The following ANKS1A variants were observed in gnomAD, a reference collection of about 807,000 sequenced individuals.
The protein encoded by ANKS1A is ankyrin repeat and sterile alpha motif domain containing 1A, also known as ankyrin repeat and SAM domain-containing protein 1A.
In ANKS1A, 55 loss-of-function variants were observed where a neutral mutation model predicts 120.3. The ratio of observed to expected loss-of-function variants is 0.46; its 90% confidence interval spans 0.37 to 0.57. ANKS1A has a LOEUF of 0.57. ANKS1A is among the 20% of genes least tolerant of loss of function. The pLI is 0.00. For synonymous variants in ANKS1A, 590 were observed against 604.7 expected (o/e 0.98, Z 0.36); for missense variants, 1,123 against 1,480.3 (o/e 0.76, Z 3.96).
At chr6:35,088,244 T>G (rs1184915191) in intron 23 of ANKS1A, among the ~76,000 whole-genome samples, 1 of 151,992 alleles carries the variant, frequency 6.6e-6, no homozygotes, top group Non-Finnish European at 1.5e-5. Flanking sequence ...GGCACCCCAT[T>G]CTCCAGTGTG....
chr6:35,071,070 A>C, intron 13 of ANKS1A: 3 of 407,432 alleles, frequency 7.4e-6, no homozygotes, highest in Non-Finnish European at 1.4e-5. Context: ...CTTTCTATTG[A>C]CTCCAGGCCT....
At chr6:35,070,827 T>C (rs918894946) in intron 13 of ANKS1A, 1 of 268,598 alleles carries the variant, frequency 3.7e-6, no homozygotes, top group Non-Finnish European at 7.4e-6. Flanking sequence ...CTTTTTTCTT[T>C]GTGTGTGTGT....
At chr6:34,941,932 G>GC (rs1375006202) in intron 1 of ANKS1A, among the ~76,000 whole-genome samples, 1 of 152,208 alleles carries the variant, frequency 6.6e-6, no homozygotes, top group African/African-American at 2.4e-5. Flanking sequence ...ACCTCTAGGA[G>GC]CTGTTCTCTA....
intron 11 of ANKS1A, among the ~76,000 whole-genome samples, chr6:35,033,785 T>C (rs1775021194): frequency 6.6e-6 from 1 of 152,198 alleles, no homozygotes; most frequent in African/African-American, 2.4e-5. Flanking sequence ...TTGGTCCTCA[T>C]GCAGAGATGC....
In ANKS1A at chr6:35,033,698, G is replaced by C. The variant is rs973190201; in HGVS notation, c.2010+15639G>C. ...TGATGGATGCATTTGTTTCACCGCT[G>C]ACAAAGATTCCAATGTAAAATCTGC... On this transcript the variant is annotated intron_variant, in intron 11 of 23. Transcript: ENST00000360359. 5.3e-5 allele frequency among the ~76,000 whole-genome samples: 8 copies of C among 152,332 alleles called. No individual in the cohort carries two copies. The East Asian group carries it at 1.5e-3, about 29-fold the overall frequency.
intron 3 of ANKS1A, chr6:34,972,658 G>A: frequency 1.0e-6 from 1 of 983,864 alleles, no homozygotes; most frequent in Non-Finnish European, 1.2e-6. Context: ...GTACTTTGCT[G>A]CCAGGAATTC....
At position 35,085,640 on chromosome 6, in the gene ANKS1A, T is replaced by A; in HGVS notation, c.3133-126T>A. The A allele has an allele frequency of 4.9e-6, 4 of 817,172 alleles. No individual in the cohort carries two copies. The highest frequency in any genetic ancestry group is 2.4e-5 in the South Asian group (1 of 41,958). The allele number at this position is 817,172 out of a possible 1,614,324, so 50.6% of individuals were successfully genotyped here. A position where few individuals can be genotyped will look rare whatever the true frequency, so the allele number is the denominator to read the frequency against. On this transcript the variant is annotated intron_variant, in intron 21 of 23. Transcript: ENST00000360359. The surrounding 1 kb of genome is among the most constrained non-coding windows in gnomAD (Gnocchi z 4.7). ...GTAAAGGAGGGAAAGGAGGGAAGAG[T>A]GGAAGGAGGTAGGAGCGCTCCCGGG...
At chr6:34,966,371 C>A (rs1770893194) in intron 1 of ANKS1A, among the ~76,000 whole-genome samples, 2 of 152,100 alleles carry the variant, frequency 1.3e-5, no homozygotes, top group Admixed American at 6.6e-5. Flanking sequence ...CCAACTATTT[C>A]TAATAACACT....
At chr6:34,968,045 A>G (rs562419474) in intron 2 of ANKS1A, among the ~76,000 whole-genome samples, 4 of 152,210 alleles carry the variant, frequency 2.6e-5, no homozygotes, top group East Asian at 3.9e-4. Flanking sequence ...TTCTGTTTCA[A>G]TAGTTATTTA....
Position 34,991,539 on chromosome 6 carries a change from TATACACACACACAC to T in ANKS1A, c.1302+2225_1302+2238del, listed in dbSNP as rs770077479. ...CCACATAGCCGGGAAAAAAAAAATA[TATACACACACACAC>T]ACACACACACACACACACACACACA... On this transcript the variant is annotated intron_variant, in intron 9 of 23. Coordinates refer to ENST00000360359, the MANE Select transcript of ANKS1A (RefSeq NM_015245.3). Among the ~76,000 whole-genome samples, 85 of 85,114 alleles carry T rather than the reference TATACACACACACAC, an allele frequency of 1.0e-3. 3 individuals are homozygous for T. Among genetic ancestry groups the T allele is most frequent in the East Asian group, 4.7e-3 (12 of 2,534 alleles). 55.8% of individuals were successfully genotyped at this position (85,114 alleles called of 152,430 possible).
At chr6:35,025,854 G>A (rs529533018) in intron 11 of ANKS1A, among the ~76,000 whole-genome samples, 24 of 151,872 alleles carry the variant, frequency 1.6e-4, no homozygotes, top group Admixed American at 1.4e-3. Context: ...TCTGCCACTC[G>A]TGGTATCCGC....
chr6:35,051,708 T>C (rs1270898435), intron 11 of ANKS1A, among the ~76,000 whole-genome samples: 2 of 152,230 alleles, frequency 1.3e-5, no homozygotes, highest in African/African-American at 4.8e-5. Context: ...GTGAGTAGAA[T>C]AGAATGCGGA....
chr6:35,063,069 C>T (rs1483671470), intron 13 of ANKS1A, among the ~76,000 whole-genome samples: 2 of 152,302 alleles, frequency 1.3e-5, no homozygotes, highest in East Asian at 3.9e-4. Context: ...GAACTTTATC[C>T]ACACTGTCTT....
intron 10 of ANKS1A, among the ~76,000 whole-genome samples, chr6:35,015,493 G>A (rs1007201051): frequency 2.9e-4 from 44 of 150,874 alleles, no homozygotes; most frequent in African/African-American, 1.0e-3. Flanking sequence ...AGCAAGACTT[G>A]GTCTCAAAAA....
At chr6:35,026,175 G>GT (rs1399141849) in intron 11 of ANKS1A, among the ~76,000 whole-genome samples, 1 of 152,086 alleles carries the variant, frequency 6.6e-6, no homozygotes, top group Non-Finnish European at 1.5e-5. Flanking sequence ...TTTGTATCTT[G>GT]TTTTTCTAGT....
intron 3 of ANKS1A, among the ~76,000 whole-genome samples, chr6:34,976,779 T>TGTGTGTGTGTGTGTGTGC (rs1258779444): frequency 1.4e-4 from 3 of 21,328 alleles, no homozygotes; most frequent in African/African-American, 2.2e-4. Context: ...TGTGTGTGCG[T>TGTGTGTGTGTGTGTGTGC]GTGTGTGTGT....
chr6:35,033,500 G>A (rs1404911713), intron 11 of ANKS1A, among the ~76,000 whole-genome samples: 2 of 152,190 alleles, frequency 1.3e-5, no homozygotes, highest in Non-Finnish European at 2.9e-5. Flanking sequence ...CCCAAATAAG[G>A]TCTTTGATGA....
chr6:35,084,223 C>T lies in ANKS1A; in HGVS notation c.3097C>T (p.His1033Tyr). Reference sequence around the variant, plus strand: ...CATCACCAAGGACCTGCAGACCAGCCACCACTATTGCCATGTGTTCAGCAC... The same window carrying T: ...CATCACCAAGGACCTGCAGACCAGCTACCACTATTGCCATGTGTTCAGCAC... ...AYITKDLQTS[H>Y]HYCHVFSTVD... Residue 1033 changes from histidine to tyrosine, a missense_variant, in exon 21 of 24, where the codon CAC becomes TAC. Transcript: ENST00000360359. This position sits in a 1 kb window ranked among gnomAD's most constrained non-coding sequence, Gnocchi z 4.8. The T allele has an allele frequency of 1.2e-6, 2 of 1,614,206 alleles. No individual in the cohort carries two copies. The highest frequency in any genetic ancestry group is 1.7e-6 in the Non-Finnish European group (2 of 1,180,034).
chr6:34,889,437 G>A lies in ANKS1A; in HGVS notation c.35G>A (p.Arg12His). Residue 12 changes from arginine to histidine, a missense_variant, in exon 1 of 24, where the codon CGC (arginine) becomes CAC (histidine). Transcript: ENST00000360359. The surrounding 1 kb of genome is among the most constrained non-coding windows in gnomAD (Gnocchi z 5.5). ...GAGCAGGAGCTGCTGGAGGCGGCCC[G>A]CACCGGGCACCTCCCGGCGGTGGAG... ...GKEQELLEAA[R>H]TGHLPAVEKL... is the part of the protein sequence containing the mutation. 1 of 1,286,418 alleles carries A rather than the reference G, an allele frequency of 7.8e-7. No homozygotes were observed. The highest frequency in any genetic ancestry group is 9.8e-7 in the Non-Finnish European group (1 of 1,020,236). 79.7% of individuals were successfully genotyped at this position (1,286,418 alleles called of 1,614,324 possible). A position where few individuals can be genotyped will look rare whatever the true frequency, so the allele number is the denominator to read the frequency against.
Sources: allele counts gnomAD v4.1 joint callset (sites outside exome capture counted in the v4.1 genomes callset), GRCh38; gene constraint gnomAD v4.1.1; non-coding constraint Gnocchi (gnomAD v3.1); transcripts MANE v1.5; gene names NCBI Gene and HGNC (gene_info 2026-07-23, HGNC 2026-07-21).